MADD: variants seen among roughly 807,000 people sequenced by gnomAD.
MADD encodes the protein MAP kinase-activating death domain protein.
Under a neutral mutation model 176.7 loss-of-function variants are expected in MADD, and 109 were observed. The observed-to-expected ratio is 0.62, with a 90% CI of 0.53 to 0.72. The LOEUF is 0.72. MADD is among the 30% of genes least tolerant of loss of function. The pLI, the probability that MADD is intolerant of heterozygous loss-of-function variation, is 0.00. For synonymous variants in MADD, 771 were observed against 771.3 expected, an observed-to-expected ratio of 1.00 and a Z score of 0.01; for missense variants, 1,914 against 2,045.5, an observed-to-expected ratio of 0.94 and a Z score of 1.24.
chr11:47,290,014 G>C (rs1290186850), exon 17 of MADD: 1 of 1,614,232 alleles, frequency 6.2e-7, no homozygotes, highest in East Asian at 2.2e-5. Flanking sequence ...GCATGGTGCA[G>C]TCAGAGGACG....
At chr11:47,276,327 T>C (rs1483594829) in intron 4 of MADD, 125 bp downstream of exon 4, 5 of 883,868 alleles carry the variant, frequency 5.7e-6, no homozygotes, top group Non-Finnish European at 5.1e-6. Context: ...GGAGGTAACA[T>C]GATGCCTGGT....
At chr11:47,299,800 G>T (rs2076238677) in intron 22 of MADD, among the ~76,000 whole-genome samples, 1 of 152,070 alleles carries the variant, frequency 6.6e-6, no homozygotes, top group Admixed American at 6.6e-5. Flanking sequence ...AAAGTGCTAG[G>T]ATTAACAGGT....
At chr11:47,327,482 C>G (rs2095577004) in intron 31 of MADD, 1 of 985,360 alleles carries the variant, frequency 1.0e-6, no homozygotes. Context: ...CTCCCCAGGT[C>G]TCTGCCTTGG....
intron 19 of MADD, 106 bp from the exon 21 acceptor site, chr11:47,292,437 A>G: frequency 1.1e-6 from 1 of 948,022 alleles, no homozygotes; most frequent in Non-Finnish European, 1.7e-6. Context: ...TTGGTAATCC[A>G]GTGCCTGAGA....
At chr11:47,274,041 C>T in intron 2 of MADD, 65 bp downstream of exon 2, 1 of 1,425,894 alleles carries the variant, frequency 7.0e-7, no homozygotes, top group Non-Finnish European at 9.9e-7. Flanking sequence ...GCAGTTGTTC[C>T]CTTCTCCGAT....
At chr11:47,324,145 A>T (rs2095050486) in intron 28 of MADD, 120 bp from the exon 32 acceptor site, 1 of 803,786 alleles carries the variant, frequency 1.2e-6, no homozygotes, top group Admixed American at 2.2e-5. Flanking sequence ...GAAAAATAGG[A>T]GGACTACTTA....
intron 22 of MADD, among the ~76,000 whole-genome samples, chr11:47,297,272 T>G (rs1565429646): frequency 6.6e-6 from 1 of 152,116 alleles, no homozygotes; most frequent in Non-Finnish European, 1.5e-5. Context: ...CAGAGCCTTC[T>G]GTATGTGTGT....
chr11:47,323,991 A>C (rs2094999124), intron 28 of MADD, 156 bp downstream of exon 31: 1 of 774,386 alleles, frequency 1.3e-6, no homozygotes, highest in Admixed American at 2.6e-5. Context: ...CTGTCAAGCC[A>C]ACTAGGCCTA....
intron 15 of MADD, among the ~76,000 whole-genome samples, chr11:47,288,649 C>T (rs141486937): frequency 1.3e-4 from 20 of 152,352 alleles, no homozygotes; most frequent in African/African-American, 4.8e-4. Context: ...TACCCTCAGG[C>T]CCCTGGCCCT....
intron 14 of MADD, 142 bp downstream of exon 14, chr11:47,285,732 C>T (rs2060133295): frequency 5.3e-6 from 6 of 1,136,934 alleles, no homozygotes; most frequent in Admixed American, 2.2e-5. Context: ...TTGGGTGATA[C>T]TGAATAAGGC....
Position 47,286,420 on chromosome 11 carries a change from C to T in MADD, c.2552-13C>T, listed in dbSNP as rs767452926. The T allele has an allele frequency of 3.8e-6, 6 of 1,593,310 alleles. No individual in the cohort carries two copies. Among genetic ancestry groups the T allele is most frequent in the South Asian group, 1.1e-5 (1 of 90,666 alleles). On this transcript the variant is annotated splice_polypyrimidine_tract_variant and intron_variant, in intron 14 of 32. Transcript: ENST00000402192. Reference sequence around the variant, plus strand: ...TCTGCCAAGTCATCGCTCTTGCACCCTCCCCTTGATAGGCAGCCTCTATCG... The same window carrying T: ...TCTGCCAAGTCATCGCTCTTGCACCTTCCCCTTGATAGGCAGCCTCTATCG...
rs2049449812 is a variant in MADD, at chr11:47,275,935, G to T, written c.696G>T (p.Leu232=). 4.3e-6 allele frequency: 7 copies of T among 1,613,274 alleles called. No individual in the cohort carries two copies. In the East Asian group the frequency reaches 1.6e-4, roughly 36 times the overall value. ...GGCGGATCTTTACTGGATCGCTGCT[G>T]GTAGAGGAGAAGTCAAGTGCCCTTC... The change falls in exon 4 of 33, where the codon CTG becomes CTT. Residue 232 remains leucine, a synonymous_variant. Transcript: ENST00000402192.
At position 47,320,095 on chromosome 11, in the gene MADD, C is replaced by T. The variant is rs1485020858; in HGVS notation, c.4198-3576C>T. Among the ~76,000 whole-genome samples the T allele has an allele frequency of 4.3e-5, 6 of 138,912 alleles. No homozygotes were observed. The East Asian group carries it at 8.5e-4, about 20-fold the overall frequency. The allele number at this position is 138,912 out of a possible 152,430, so 91.1% of individuals were successfully genotyped here. A position where few individuals can be genotyped will look rare whatever the true frequency, so the allele number is the denominator to read the frequency against. Reference sequence around the variant, plus strand: ...TTTTTTTTTTTTTCTTTAATGGATGCTTAGCCATTAGATGTCGTATGGTGT... The same window carrying T: ...TTTTTTTTTTTTTCTTTAATGGATGTTTAGCCATTAGATGTCGTATGGTGT... On this transcript the variant is annotated intron_variant, in intron 27 of 32. Coordinates refer to ENST00000402192, the Ensembl canonical transcript of MADD.
At chr11:47,323,941 T>G in intron 28 of MADD, 106 bp downstream of exon 31, 1 of 1,259,910 alleles carries the variant, frequency 7.9e-7, no homozygotes, top group Non-Finnish European at 1.1e-6. Flanking sequence ...GGAGCCACAC[T>G]TCTGTCTCCA....
In MADD at chr11:47,318,623, T is replaced by C. The variant is rs149304948; in HGVS notation, c.4197+3296T>C. On this transcript the variant is annotated intron_variant, in intron 27 of 32. Coordinates refer to ENST00000402192, the Ensembl canonical transcript of MADD. ...ATGCTAAGTCTCTGGAGTGTGGGAC[T>C]GGACCCATTACCCAAATAGATGCCT... Among the ~76,000 whole-genome samples the C allele has an allele frequency of 5.9e-5, 9 of 152,274 alleles. No homozygotes were observed. In the East Asian group the frequency reaches 1.5e-3, roughly 26 times the overall value.
At chr11:47,304,616 A>T (rs972293097) in intron 22 of MADD, among the ~76,000 whole-genome samples, 3 of 151,952 alleles carry the variant, frequency 2.0e-5, no homozygotes, top group Non-Finnish European at 4.4e-5. Context: ...CTCTTTGTTG[A>T]ATTTCTAATT....
At chr11:47,326,682 G>C in intron 30 of MADD, 56 bp from the exon 35 acceptor site, 1 of 1,595,650 alleles carries the variant, frequency 6.3e-7, no homozygotes, top group Non-Finnish European at 8.6e-7. Flanking sequence ...AGTGTGCTGT[G>C]TGGGGCAGGG....
intron 1 of MADD, among the ~76,000 whole-genome samples, chr11:47,272,676 A>G (rs1482980978): frequency 6.6e-6 from 1 of 152,242 alleles, no homozygotes; most frequent in Non-Finnish European, 1.5e-5. Context: ...TAGACACTTA[A>G]CACGAAATAA....
chr11:47,327,235 C>T, intron 31 of MADD: 1 of 996,740 alleles, frequency 1.0e-6, no homozygotes, highest in Non-Finnish European at 1.2e-6. Flanking sequence ...CACCTGGCCT[C>T]TGTGCCAGAC....
Sources: gnomAD v4.1 joint callset for allele counts (sites outside exome capture counted in the v4.1 genomes callset) on GRCh38, gnomAD v4.1.1 for gene constraint, MANE v1.5 for transcripts, NCBI Gene and HGNC (gene_info 2026-07-23, HGNC 2026-07-21) for gene names.